Variants in NPSR1 observed in about 807,000 individuals in gnomAD.
The protein encoded by NPSR1 is neuropeptide S receptor.
A neutral mutation model predicts 46.9 loss-of-function variants in NPSR1; 48 were observed. That is an observed-to-expected ratio of 1.02 (90% CI 0.81 to 1.30). The LOEUF (loss-of-function observed/expected upper bound fraction) is 1.30, where lower values mean the gene tolerates loss of function less well. Among genes scored for constraint, NPSR1 ranks in the 50% most tolerant of loss-of-function variants. The probability of loss-of-function intolerance (pLI) is 0.00; values close to 1 mark genes in which losing one functional copy is unlikely to be tolerated. For missense variants in NPSR1, 450 were observed against 449.5 expected (o/e 1.00, Z -0.01); for synonymous variants, 176 against 168.1 (o/e 1.05, Z -0.36).
At chr7:34,858,838 T>C (rs1026621010) in intron 8 of NPSR1, among the ~76,000 whole-genome samples, 25 of 151,854 alleles carry the variant, frequency 1.6e-4, no homozygotes, top group African/African-American at 6.1e-4. Flanking sequence ...CATGTGGGAA[T>C]TATGGGAGCT....
chr7:34,742,228 T>C (rs771378181), intron 2 of NPSR1, among the ~76,000 whole-genome samples: 62 of 152,082 alleles, frequency 4.1e-4, no homozygotes, highest in Admixed American at 5.2e-4. Flanking sequence ...GGTAAACTCA[T>C]GTCACAAGGG....
At chr7:34,706,802 A>G (rs963194772) in intron 2 of NPSR1, among the ~76,000 whole-genome samples, 6 of 152,146 alleles carry the variant, frequency 3.9e-5, no homozygotes, top group African/African-American at 1.4e-4. Context: ...TTTTAACTCA[A>G]TGCTAGGAAA....
intron 2 of NPSR1, among the ~76,000 whole-genome samples, chr7:34,746,511 CA>C (rs1269552000): frequency 6.6e-6 from 1 of 152,146 alleles, no homozygotes; most frequent in African/African-American, 2.4e-5. Flanking sequence ...GTACTATCTG[CA>C]GTTGGAACTC....
intron 1 of NPSR1, among the ~76,000 whole-genome samples, chr7:34,672,183 A>G (rs898611323): frequency 2.6e-5 from 4 of 152,208 alleles, no homozygotes; most frequent in African/African-American, 9.6e-5. Flanking sequence ...TCGTTTATTC[A>G]GCAAATATTA....
At chr7:34,736,309 CA>C (rs1784661293) in intron 2 of NPSR1, among the ~76,000 whole-genome samples, 1 of 152,138 alleles carries the variant, frequency 6.6e-6, no homozygotes, top group Admixed American at 6.6e-5. Flanking sequence ...GTCTGACACA[CA>C]ATACTGTGAA....
intron 2 of NPSR1, among the ~76,000 whole-genome samples, chr7:34,689,604 C>CAAAAAAAAAAAAAAAAAA (rs869170591): frequency 1.0e-3 from 37 of 36,694 alleles, no homozygotes; most frequent in East Asian, 2.5e-3. Flanking sequence ...GACTCTGTCT[C>CAAAAAAAAAAAAAAAAAA]AAAAAAAAAA....
chr7:34,849,180 A>G, intron 8 of NPSR1: 1 of 636,228 alleles, frequency 1.6e-6, no homozygotes, highest in Admixed American at 2.6e-5. Context: ...TCCATAGGAG[A>G]TACAAGAGGA....
chr7:34,660,524 C>T (rs1791402332), intron 1 of NPSR1, among the ~76,000 whole-genome samples: 2 of 140,474 alleles, frequency 1.4e-5, no homozygotes, highest in Admixed American at 1.4e-4. Flanking sequence ...CCTTTACTGT[C>T]TCCCAGATGT....
At chr7:34,713,291 A>T (rs2128703348) in intron 2 of NPSR1, among the ~76,000 whole-genome samples, 1 of 152,252 alleles carries the variant, frequency 6.6e-6, no homozygotes. Flanking sequence ...CTCTTTTAGG[A>T]GTCAGTATAT....
chr7:34,671,706 G>C (rs1232941256), intron 1 of NPSR1, among the ~76,000 whole-genome samples: 1 of 152,142 alleles, frequency 6.6e-6, no homozygotes, highest in African/African-American at 2.4e-5. Context: ...TCTGTAGCAG[G>C]AATCCTTCTG....
intron 3 of NPSR1, among the ~76,000 whole-genome samples, chr7:34,793,665 T>C (rs1389417639): frequency 6.6e-6 from 1 of 152,118 alleles, no homozygotes; most frequent in African/African-American, 2.4e-5. Flanking sequence ...GTATGGAAGT[T>C]CCTTGAAAAA....
chr7:34,790,716 AATAT>A (rs201712666), intron 3 of NPSR1, among the ~76,000 whole-genome samples: 1 of 128,372 alleles, frequency 7.8e-6, no homozygotes, highest in African/African-American at 3.1e-5. Context: ...TGTTATATAT[AATAT>A]ATGTTATATG....
chr7:34,751,670 G>C (rs1785538191), intron 2 of NPSR1: 2 of 1,592,024 alleles, frequency 1.3e-6, no homozygotes, highest in Non-Finnish European at 1.7e-6. Flanking sequence ...TCCCCAGCCA[G>C]GGACAAGAGG....
intron 3 of NPSR1, among the ~76,000 whole-genome samples, chr7:34,792,668 TATATATGTA>T (rs1787956718): frequency 8.3e-6 from 1 of 119,900 alleles, no homozygotes; most frequent in African/African-American, 3.1e-5. Context: ...TATATATTTA[TATATATGTA>T]TATATATATA....
At chr7:34,789,009 G>T (rs1389150100) in intron 3 of NPSR1, among the ~76,000 whole-genome samples, 2 of 151,788 alleles carry the variant, frequency 1.3e-5, no homozygotes, top group East Asian at 3.9e-4. Context: ...TTTCAAAAAT[G>T]TTACAAACGT....
intron 1 of NPSR1, among the ~76,000 whole-genome samples, chr7:34,663,027 C>CAT: frequency 7.0e-6 from 1 of 142,516 alleles, no homozygotes; most frequent in East Asian, 2.1e-4. Context: ...AGGGGCAGTG[C>CAT]TTCTGTAGTG....
At chr7:34,812,240 C>T (rs1404077217) in intron 4 of NPSR1, among the ~76,000 whole-genome samples, 1 of 152,172 alleles carries the variant, frequency 6.6e-6, no homozygotes, top group Non-Finnish European at 1.5e-5. Context: ...ACTAACTTCT[C>T]ATTTTCCAGA....
chr7:34,744,052 T>C (rs527268425), intron 2 of NPSR1, among the ~76,000 whole-genome samples: 2 of 152,312 alleles, frequency 1.3e-5, no homozygotes, highest in Admixed American at 6.5e-5. Context: ...TATTATTATG[T>C]ATTCCATCTT....
In NPSR1 at chr7:34,872,340, T is replaced by G. The variant is rs1460788649; in HGVS notation, c.1026-5736T>G. On this transcript the variant is annotated intron_variant, in intron 8 of 8. Transcript: ENST00000359791. ...CCTAAGCCACTTTTCTCCTAGGCCT[T>G]TGGACCTATGATGGAAGGGACCACC... is the stretch of plus-strand genomic sequence containing the variant. Among the ~76,000 whole-genome samples, 4 of 151,884 alleles carry G rather than the reference T, an allele frequency of 2.6e-5. 1 individual carries two copies. Among genetic ancestry groups the G allele is most frequent in the African/African-American group, 9.7e-5 (4 of 41,142 alleles).
Sources: gnomAD v4.1 joint callset for allele counts (sites outside exome capture counted in the v4.1 genomes callset) on GRCh38, gnomAD v4.1.1 for gene constraint, MANE v1.5 for transcripts, NCBI Gene and HGNC (gene_info 2026-07-23, HGNC 2026-07-21) for gene names.